PCDHGA8: variants seen among roughly 807,000 people sequenced by gnomAD.
PCDHGA8 encodes protocadherin gamma-A8.
In PCDHGA8, 45 loss-of-function variants were observed where a neutral mutation model predicts 59.2. The observed-to-expected ratio is 0.76, with a 90% CI of 0.60 to 0.98. The LOEUF is 0.98. Ranked by LOEUF, PCDHGA8 falls within the 50% of genes least tolerant of loss-of-function variation. The pLI, the probability that PCDHGA8 is intolerant of heterozygous loss-of-function variation, is 0.00. For synonymous variants in PCDHGA8, 531 were observed against 519.0 expected (o/e 1.02, Z -0.32); for missense variants, 1,257 against 1,196.2 (o/e 1.05, Z -0.75).
chr5:141,478,392 A>T, intron 1 of PCDHGA8: 1 of 1,613,560 alleles, frequency 6.2e-7, no homozygotes, highest in East Asian at 2.2e-5. Flanking sequence ...CTTTACCATC[A>T]GGTGTATCTC....
rs2099623857 is a variant in PCDHGA8, at chr5:141,486,060, A to ACC, written c.2425-8744_2425-8743dup. On this transcript the variant is annotated intron_variant, in intron 1 of 3. Transcript: ENST00000398604. This position sits in a 1 kb window ranked among gnomAD's most constrained non-coding sequence, Gnocchi z 5.0. Reference sequence around the variant, plus strand: ...CGTGTAAGAAACCTCTTTAGCCTGCACCCCACTACTGGAAAGCTTACTCTT... The same window carrying ACC: ...CGTGTAAGAAACCTCTTTAGCCTGCACCCCCCACTACTGGAAAGCTTACTCTT... The ACC allele has an allele frequency of 1.2e-6, 2 of 1,613,980 alleles. No homozygotes were observed. The highest frequency in any genetic ancestry group is 1.7e-6 in the Non-Finnish European group (2 of 1,179,980).
chr5:141,454,779 A>G (rs1387404898), intron 1 of PCDHGA8, among the ~76,000 whole-genome samples: 2 of 146,092 alleles, frequency 1.4e-5, no homozygotes, highest in African/African-American at 2.6e-5. Context: ...ACAAGGAAAT[A>G]ATCCTCCATG....
At chr5:141,459,703 T>G (rs2098973426) in intron 1 of PCDHGA8, among the ~76,000 whole-genome samples, 1 of 152,226 alleles carries the variant, frequency 6.6e-6, no homozygotes, top group African/African-American at 2.4e-5. Context: ...CTTGCTACAT[T>G]TTCTCACCAA....
Position 141,431,253 on chromosome 5 carries a change from A to G in PCDHGA8, c.2424+36016A>G, listed in dbSNP as rs1554123268. The G allele has an allele frequency of 1.2e-6, 2 of 1,614,132 alleles. No individual in the cohort carries two copies. Among genetic ancestry groups the G allele is most frequent in the South Asian group, 1.1e-5 (1 of 91,088 alleles). ...GCCTGGGATCCGGATATCGGGAAGA[A>G]CTCTCTGCAGAGCTACGAGCTCAGC... is the stretch of plus-strand genomic sequence containing the variant. On this transcript the variant is annotated intron_variant, in intron 1 of 3. Transcript: ENST00000398604. The surrounding 1 kb of genome is among the most constrained non-coding windows in gnomAD (Gnocchi z 4.8).
intron 1 of PCDHGA8, chr5:141,404,242 G>T (rs372976589): frequency 1.2e-6 from 2 of 1,613,462 alleles, no homozygotes; most frequent in Non-Finnish European, 1.7e-6. Flanking sequence ...GAGGAACTCC[G>T]CCCCTGTCCA....
chr5:141,427,930 T>C, intron 1 of PCDHGA8: 2 of 1,583,398 alleles, frequency 1.3e-6, no homozygotes. Flanking sequence ...CGGCGCATGT[T>C]GGTGGGCGAC....
chr5:141,492,471 C>T (rs937691695), intron 1 of PCDHGA8, among the ~76,000 whole-genome samples: 8 of 152,240 alleles, frequency 5.3e-5, no homozygotes, highest in Non-Finnish European at 1.0e-4. Flanking sequence ...GGTCCCAGAT[C>T]GCGGCCGCCC....
intron 1 of PCDHGA8, chr5:141,414,168 T>C: frequency 6.2e-7 from 1 of 1,605,598 alleles, no homozygotes; most frequent in Non-Finnish European, 8.5e-7. Context: ...GAGGAGCATA[T>C]CTTGCAACTG....
In PCDHGA8 at chr5:141,487,765, GC is replaced by G. The variant is rs2099665397; in HGVS notation, c.2425-7041del. The G allele has an allele frequency of 6.5e-7, 1 of 1,541,774 alleles. No individual in the cohort carries two copies. Among genetic ancestry groups the G allele is most frequent in the South Asian group, 1.2e-5 (1 of 83,146 alleles). On this transcript the variant is annotated intron_variant, in intron 1 of 3. Transcript: ENST00000398604. This position sits in a 1 kb window ranked among gnomAD's most constrained non-coding sequence, Gnocchi z 5.0. ...GAGGTAACTATGTGGTAGACGCTGT[GC>G]TTTGTAACTGTTTCGTGAATTAACC...
intron 2 of PCDHGA8, among the ~76,000 whole-genome samples, chr5:141,497,603 G>A (rs1045138662): frequency 3.3e-5 from 5 of 149,832 alleles, no homozygotes; most frequent in Non-Finnish European, 7.4e-5. Context: ...GCAGTGGTGC[G>A]ATCTTGGCTC....
rs971000405 is a variant in PCDHGA8, at chr5:141,394,962, A to G, written c.2149A>G (p.Arg717Gly). The change falls in exon 1 of 4, where the codon AGG becomes GGG. Residue 717 changes from arginine to glycine, a missense_variant. Physicochemically the swap from Arg to Gly is moderately radical, Grantham distance 125. Coordinates refer to ENST00000398604, the MANE Select transcript of PCDHGA8 (RefSeq NM_032088.2). ...CGCTGTGCTTCTGGGGCTCAGGCTG[A>G]GGCGCTGGCACAAGTCACGCCTGCT... ...FVAVLLGLRL[R>G]RWHKSRLLQD... 8 of 1,613,710 alleles carry G rather than the reference A, an allele frequency of 5.0e-6. No homozygotes were observed. Among genetic ancestry groups the G allele is most frequent in the Non-Finnish European group, 6.8e-6 (8 of 1,179,868 alleles).
chr5:141,419,240 G>A lies in PCDHGA8; in HGVS notation c.2424+24003G>A, dbSNP rs753956971. On this transcript the variant is annotated intron_variant, in intron 1 of 3. Coordinates refer to ENST00000398604, the MANE Select transcript of PCDHGA8 (RefSeq NM_032088.2). ...CGGACAGTCAGCCTACCTGGTCCAC[G>A]TGCCAGAAAACAACCAGCCGGGTGC... is the stretch of plus-strand genomic sequence containing the variant. 6.8e-6 allele frequency: 11 copies of A among 1,613,862 alleles called. No individual in the cohort carries two copies. The highest frequency in any genetic ancestry group is 1.7e-5 in the Admixed American group (1 of 60,018).
intron 2 of PCDHGA8, among the ~76,000 whole-genome samples, chr5:141,496,207 T>C (rs973745475): frequency 6.6e-6 from 1 of 152,134 alleles, no homozygotes; most frequent in Non-Finnish European, 1.5e-5. Flanking sequence ...CAATCTGGTA[T>C]GAATTCCTGC....
rs762738990 is a variant in PCDHGA8, at chr5:141,404,672, G to C, written c.2424+9435G>C. 8.0e-5 allele frequency: 129 copies of C among 1,614,038 alleles called. 1 individual carries two copies. The South Asian group carries it at 1.4e-3, about 18-fold the overall frequency. ...TGCCCTCCCCACTGATGGTTCTACT[G>C]GTGTGGAGCTGGCACCCCGCTCTGC... On this transcript the variant is annotated intron_variant, in intron 1 of 3. Coordinates refer to ENST00000398604, the MANE Select transcript of PCDHGA8 (RefSeq NM_032088.2).
At chr5:141,439,126 G>A (rs2098089550) in intron 1 of PCDHGA8, among the ~76,000 whole-genome samples, 1 of 151,328 alleles carries the variant, frequency 6.6e-6, no homozygotes, top group African/African-American at 2.4e-5. Flanking sequence ...CCGGGAGACA[G>A]AGGTTGCAGT....
intron 3 of PCDHGA8, among the ~76,000 whole-genome samples, chr5:141,509,791 C>T (rs2099878284): frequency 6.6e-6 from 1 of 152,164 alleles, no homozygotes; most frequent in Non-Finnish European, 1.5e-5. Flanking sequence ...TCATCATCTC[C>T]TCAGCTTCAT....
chr5:141,446,260 TA>T (rs1207497940), intron 1 of PCDHGA8, among the ~76,000 whole-genome samples: 4 of 152,130 alleles, frequency 2.6e-5, no homozygotes, highest in Non-Finnish European at 4.4e-5. Context: ...GAAATATTAT[TA>T]ACTGAATAAA....
intron 1 of PCDHGA8, among the ~76,000 whole-genome samples, chr5:141,469,568 T>C (rs942597017): frequency 6.6e-6 from 1 of 152,184 alleles, no homozygotes. Flanking sequence ...AGTGAGACTC[T>C]GTCTCTAAAT....
Position 141,431,264 on chromosome 5 carries a change from A to T in PCDHGA8, c.2424+36027A>T. The T allele has an allele frequency of 6.2e-7, 1 of 1,614,170 alleles. No individual in the cohort carries two copies. On this transcript the variant is annotated intron_variant, in intron 1 of 3. Coordinates refer to ENST00000398604, the MANE Select transcript of PCDHGA8 (RefSeq NM_032088.2). This position sits in a 1 kb window ranked among gnomAD's most constrained non-coding sequence, Gnocchi z 4.8. ...GGATATCGGGAAGAACTCTCTGCAG[A>T]GCTACGAGCTCAGCCCGAACACTCA...
Sources: gnomAD v4.1 joint callset for allele counts (sites outside exome capture counted in the v4.1 genomes callset) on GRCh38, gnomAD v4.1.1 for gene constraint, Gnocchi (gnomAD v3.1) non-coding constraint, MANE v1.5 for transcripts, NCBI Gene and HGNC (gene_info 2026-07-23, HGNC 2026-07-21) for gene names.